Variants in MARCHF8 observed in about 807,000 individuals in gnomAD.
MARCHF8 encodes E3 ubiquitin-protein ligase MARCHF8.
A neutral mutation model predicts 51.6 loss-of-function variants in MARCHF8; 40 were observed. The ratio of observed to expected loss-of-function variants is 0.77; its 90% CI spans 0.60 to 1.01. MARCHF8 has a LOEUF of 1.01. Among genes scored for constraint, MARCHF8 ranks in the 50% least tolerant of loss-of-function variants. MARCHF8 has a pLI of 0.00. For missense variants in MARCHF8, 685 were observed against 708.6 expected, an observed-to-expected ratio of 0.97 and a Z score of 0.38; for synonymous variants, 263 against 280.3, an observed-to-expected ratio of 0.94 and a Z score of 0.62.
intron 3 of MARCHF8, among the ~76,000 whole-genome samples, chr10:45,475,147 G>C (rs929196602): frequency 3.3e-5 from 5 of 152,306 alleles, no homozygotes; most frequent in African/African-American, 1.2e-4. Context: ...TGCTGCCAGG[G>C]ATGAAGTGCA....
At chr10:45,482,835 C>A (rs777476312) in intron 3 of MARCHF8, among the ~76,000 whole-genome samples, 1 of 152,114 alleles carries the variant, frequency 6.6e-6, no homozygotes, top group African/African-American at 2.4e-5. Context: ...AGAAATAAAT[C>A]CACGTACTTA....
At chr10:45,587,711 T>C (rs1042342153) in intron 1 of MARCHF8, among the ~76,000 whole-genome samples, 11 of 151,978 alleles carry the variant, frequency 7.2e-5, no homozygotes, top group African/African-American at 2.4e-4. Context: ...AAAGATAATA[T>C]GGTACCGACA....
At chr10:45,524,688 TA>T (rs1411163932) in intron 2 of MARCHF8, among the ~76,000 whole-genome samples, 24 of 152,132 alleles carry the variant, frequency 1.6e-4, no homozygotes, top group Non-Finnish European at 1.5e-5. Context: ...TACGTGATTA[TA>T]AGGGATTTTT....
chr10:45,588,571 AT>A (rs2044643307), intron 1 of MARCHF8, among the ~76,000 whole-genome samples: 1 of 152,160 alleles, frequency 6.6e-6, no homozygotes, highest in African/African-American at 2.4e-5. Context: ...GAGATTACAC[AT>A]TTTTTCAAAC....
chr10:45,591,931 A>G (rs2044685513), intron 1 of MARCHF8, among the ~76,000 whole-genome samples: 1 of 152,154 alleles, frequency 6.6e-6, no homozygotes. Context: ...ATTTTCTTCC[A>G]TATATCAATC....
At chr10:45,569,259 G>A (rs1187948688) in intron 1 of MARCHF8, among the ~76,000 whole-genome samples, 3 of 151,952 alleles carry the variant, frequency 2.0e-5, no homozygotes, top group South Asian at 2.1e-4. Flanking sequence ...CTTTAATTAC[G>A]TTGAGGTATG....
chr10:45,540,090 G>A (rs990266614), upstream of MARCHF8, among the ~76,000 whole-genome samples: 4 of 152,148 alleles, frequency 2.6e-5, no homozygotes, highest in African/African-American at 9.7e-5. Flanking sequence ...TCATGGGTAG[G>A]AAGAATCAAT....
exon 1 of MARCHF8, chr10:45,594,707 G>T (rs2044720583): frequency 6.6e-6 from 1 of 151,248 alleles, no homozygotes; most frequent in Admixed American, 6.6e-5. Context: ...CCTTATTGGC[G>T]GCCAGCGGCG....
chr10:45,550,067 G>C (rs904610809), intron 1 of MARCHF8, among the ~76,000 whole-genome samples: 1 of 152,168 alleles, frequency 6.6e-6, no homozygotes, highest in Non-Finnish European at 1.5e-5. Flanking sequence ...GATTCATTAG[G>C]AGCCGTTTTG....
intron 1 of MARCHF8, among the ~76,000 whole-genome samples, chr10:45,589,782 G>A (rs1267448460): frequency 2.0e-5 from 3 of 152,126 alleles, no homozygotes; most frequent in Non-Finnish European, 2.9e-5. Context: ...TCCACTGCAT[G>A]GATAGACCAC....
chr10:45,540,855 A>G (rs973712302), intron 1 of MARCHF8, among the ~76,000 whole-genome samples: 1 of 152,242 alleles, frequency 6.6e-6, no homozygotes, highest in Non-Finnish European at 1.5e-5. Flanking sequence ...AATGCAAATC[A>G]AAACCACAAT....
chr10:45,549,424 G>C (rs1048544753), intron 1 of MARCHF8, among the ~76,000 whole-genome samples: 8 of 152,232 alleles, frequency 5.3e-5, no homozygotes, highest in Non-Finnish European at 5.9e-5. Flanking sequence ...GCTCAGCAGG[G>C]AAGGCAGGGC....
intron 7 of MARCHF8, among the ~76,000 whole-genome samples, chr10:45,458,901 C>T (rs751805049): frequency 2.6e-5 from 4 of 152,272 alleles, no homozygotes; most frequent in East Asian, 1.9e-4. Context: ...ATGTAGTTTG[C>T]GGAGATTCTC....
At chr10:45,529,292 C>T (rs2043840371) in intron 2 of MARCHF8, among the ~76,000 whole-genome samples, 2 of 152,132 alleles carry the variant, frequency 1.3e-5, no homozygotes, top group Non-Finnish European at 2.9e-5. Context: ...TATCTCTCAC[C>T]ATATACAAAA....
chr10:45,539,952 T>C (rs993983669), upstream of MARCHF8, among the ~76,000 whole-genome samples: 1 of 152,108 alleles, frequency 6.6e-6, no homozygotes, highest in Non-Finnish European at 1.5e-5. Context: ...TTCACAATTG[T>C]TTCAAGGAGA....
intron 2 of MARCHF8, among the ~76,000 whole-genome samples, chr10:45,490,159 T>C (rs892623436): frequency 1.3e-5 from 2 of 152,240 alleles, no homozygotes; most frequent in Non-Finnish European, 2.9e-5. Flanking sequence ...TGCCTTTAGG[T>C]TGACCTCCCT....
intron 3 of MARCHF8, among the ~76,000 whole-genome samples, chr10:45,484,270 T>A (rs2042941405): frequency 6.6e-6 from 1 of 152,188 alleles, no homozygotes; most frequent in African/African-American, 2.4e-5. Flanking sequence ...TAGAAAATGA[T>A]TAAGCAAACA....
At chr10:45,494,428 T>C (rs1047864166) in intron 2 of MARCHF8, among the ~76,000 whole-genome samples, 1 of 152,096 alleles carries the variant, frequency 6.6e-6, no homozygotes, top group Non-Finnish European at 1.5e-5. Flanking sequence ...TGACCAGGAC[T>C]GGTCCTTAAA....
At chr10:45,494,117 TAA>T in intron 2 of MARCHF8, among the ~76,000 whole-genome samples, 1 of 152,344 alleles carries the variant, frequency 6.6e-6, no homozygotes, top group South Asian at 2.1e-4. Flanking sequence ...AAAGTTTTCT[TAA>T]TGTGAGAAGC....
Sources: allele counts gnomAD v4.1 joint callset (sites outside exome capture counted in the v4.1 genomes callset), GRCh38; gene constraint gnomAD v4.1.1; transcripts MANE v1.5; gene names NCBI Gene and HGNC (gene_info 2026-07-23, HGNC 2026-07-21).